Variants in ITGB3BP observed in about 807,000 individuals in gnomAD.
ITGB3BP encodes the protein centromere protein R.
In ITGB3BP, 27 loss-of-function variants were observed where a neutral mutation model predicts 29.1. That is an observed-to-expected ratio of 0.93 (90% CI 0.68 to 1.28). The LOEUF (loss-of-function observed/expected upper bound fraction) is 1.28, where lower values mean the gene tolerates loss of function less well. ITGB3BP is among the 50% of genes most tolerant of loss of function. ITGB3BP has a pLI of 0.00. For synonymous variants in ITGB3BP, 61 were observed against 61.4 expected (o/e 0.99, Z 0.03); for missense variants, 192 against 200.2 (o/e 0.96, Z 0.25).
chr1:63,523,829 G>C (rs554712308), upstream of ITGB3BP, among the ~76,000 whole-genome samples: 11 of 152,308 alleles, frequency 7.2e-5, no homozygotes, highest in Non-Finnish European at 1.5e-4. Context: ...GATTACCTGT[G>C]ACGGTATTTC....
At chr1:63,472,860 C>T (rs548575129) in intron 4 of ITGB3BP, among the ~76,000 whole-genome samples, 153 of 152,178 alleles carry the variant, frequency 1.0e-3, no homozygotes, top group African/African-American at 3.5e-3. Flanking sequence ...CTTGGCCTCC[C>T]AAAGTGCCGA....
intron 1 of ITGB3BP, among the ~76,000 whole-genome samples, chr1:63,513,252 C>T (rs1646240661): frequency 6.6e-6 from 1 of 151,952 alleles, no homozygotes; most frequent in Admixed American, 6.6e-5. Flanking sequence ...TTCAGTTCTC[C>T]TTCCTTTATT....
chr1:63,448,591 TTAGA>T (rs1438566130), intron 7 of ITGB3BP, among the ~76,000 whole-genome samples: 1 of 152,172 alleles, frequency 6.6e-6, no homozygotes, highest in Non-Finnish European at 1.5e-5. Context: ...TGTAAACCAC[TTAGA>T]TAATTTATCT....
intron 4 of ITGB3BP, among the ~76,000 whole-genome samples, chr1:63,474,830 A>G (rs1478127558): frequency 6.6e-6 from 1 of 151,294 alleles, no homozygotes; most frequent in Non-Finnish European, 1.5e-5. Flanking sequence ...CCTTCCCTCC[A>G]CTATTGTCCT....
At chr1:63,486,037 C>T (rs982318277) in intron 3 of ITGB3BP, among the ~76,000 whole-genome samples, 8 of 152,164 alleles carry the variant, frequency 5.3e-5, no homozygotes, top group African/African-American at 1.9e-4. Flanking sequence ...TGTATTTCCT[C>T]CTTGTAGAAC....
intron 3 of ITGB3BP, among the ~76,000 whole-genome samples, 176 bp downstream of exon 3, chr1:63,489,907 A>G (rs1165360169): frequency 6.6e-6 from 1 of 152,158 alleles, no homozygotes; most frequent in Non-Finnish European, 1.5e-5. Context: ...GCATTTTAAA[A>G]TAAGTGCCAA....
chr1:63,492,187 CTCTGTGTGTGTGTG>C (rs1428878030), intron 2 of ITGB3BP, among the ~76,000 whole-genome samples: 3 of 69,118 alleles, frequency 4.3e-5, no homozygotes, highest in African/African-American at 1.6e-4. Flanking sequence ...TGTGCATGTG[CTCTGTGTGTGTGTG>C]TGTGTGTGTG....
chr1:63,510,046 C>T lies in ITGB3BP; in HGVS notation c.6-1476G>A, dbSNP rs1258090604. The T allele has an allele frequency of 5.2e-6, 3 of 577,746 alleles. No homozygotes were observed. In the South Asian group the frequency reaches 6.1e-5, roughly 12 times the overall value. 35.8% of individuals were successfully genotyped at this position (577,746 alleles called of 1,614,324 possible). A position where few individuals can be genotyped will look rare whatever the true frequency, so the allele number is the denominator to read the frequency against. On this transcript the variant is annotated intron_variant, in intron 1 of 8. Transcript: ENST00000271002. ...TGTACTAAAAATACAAAATATTAGC[C>T]TAGCGTGGTGGTGCGTGCCTGTAAT... is the stretch of plus-strand genomic sequence containing the variant.
chr1:63,468,083 T>C (rs1645130566), intron 4 of ITGB3BP, among the ~76,000 whole-genome samples: 1 of 152,166 alleles, frequency 6.6e-6, no homozygotes, highest in Non-Finnish European at 1.5e-5. Context: ...TGGGCTTCTT[T>C]CTCTCTCACT....
At chr1:63,509,761 T>C (rs1452280226) in intron 1 of ITGB3BP, among the ~76,000 whole-genome samples, 1 of 152,218 alleles carries the variant, frequency 6.6e-6, no homozygotes. Context: ...TTTAATCTGA[T>C]TTCCCAATGA....
chr1:63,529,110 C>G (rs1278448589), intron 2 of ITGB3BP: 1 of 152,180 alleles, frequency 6.6e-6, no homozygotes, highest in Non-Finnish European at 1.5e-5. Context: ...CATTTACACA[C>G]TAGGCAAAAT....
intron 1 of ITGB3BP, among the ~76,000 whole-genome samples, chr1:63,517,770 G>T (rs1646366452): frequency 1.3e-5 from 2 of 152,136 alleles, no homozygotes; most frequent in Admixed American, 6.6e-5. Context: ...ATCCAGGCTG[G>T]AATGCAAGTG....
intron 3 of ITGB3BP, 89 bp from the exon 4 acceptor site, chr1:63,478,922 G>T: frequency 2.1e-6 from 1 of 479,476 alleles, no homozygotes. Flanking sequence ...ATTTTAAATA[G>T]AAAGTAAAAA....
At chr1:63,467,257 G>A (rs1023563332) in intron 4 of ITGB3BP, among the ~76,000 whole-genome samples, 2 of 152,146 alleles carry the variant, frequency 1.3e-5, no homozygotes, top group South Asian at 4.2e-4. Context: ...AACATTTAGT[G>A]TTCTCATATC....
At chr1:63,501,862 G>GA (rs137977362) in intron 2 of ITGB3BP, among the ~76,000 whole-genome samples, 2,367 of 131,596 alleles carry the variant, frequency 0.018, 40 homozygotes, top group African/African-American at 0.055. Context: ...GCCCTGTCTC[G>GA]AAAAAAAAAA....
At chr1:63,522,129 C>T (rs1646463856) in intron 1 of ITGB3BP, among the ~76,000 whole-genome samples, 1 of 152,156 alleles carries the variant, frequency 6.6e-6, no homozygotes, top group Non-Finnish European at 1.5e-5. Context: ...GTTTCTTTAT[C>T]TGTAAAGATA....
chr1:63,509,990 C>T (rs1415399150), intron 1 of ITGB3BP: 8 of 432,388 alleles, frequency 1.9e-5, no homozygotes, highest in Admixed American at 3.9e-5. Context: ...GTCAGGAGTT[C>T]GAGACCAGCC....
chr1:63,465,678 CCA>C (rs2100555513), intron 4 of ITGB3BP, among the ~76,000 whole-genome samples: 1 of 152,198 alleles, frequency 6.6e-6, no homozygotes, highest in African/African-American at 2.4e-5. Context: ...GTGTGAGCCA[CCA>C]CATCCAGCCC....
chr1:63,522,724 C>T (rs1489332787), intron 1 of ITGB3BP, among the ~76,000 whole-genome samples: 4 of 152,078 alleles, frequency 2.6e-5, no homozygotes, highest in African/African-American at 9.7e-5. Context: ...GTATCTAGAC[C>T]CACTCAGTCC....
Sources: allele counts gnomAD v4.1 joint callset (sites outside exome capture counted in the v4.1 genomes callset), GRCh38; gene constraint gnomAD v4.1.1; transcripts MANE v1.5; gene names NCBI Gene and HGNC (gene_info 2026-07-23, HGNC 2026-07-21).